The following FCN2 variants were observed in gnomAD, a reference collection of about 807,000 sequenced individuals.
FCN2 encodes ficolin-2.
Under a neutral mutation model 32.5 loss-of-function variants are expected in FCN2, and 31 were observed. The observed-to-expected ratio is 0.96, with a 90% CI of 0.72 to 1.29. The LOEUF is 1.29. Among genes scored for constraint, FCN2 ranks in the 50% most tolerant of loss-of-function variants. The probability of loss-of-function intolerance (pLI) is 0.00; values close to 1 mark genes in which losing one functional copy is unlikely to be tolerated. For synonymous variants in FCN2, 181 were observed against 164.5 expected, an observed-to-expected ratio of 1.10 and a Z score of -0.77; for missense variants, 412 against 406.5, an observed-to-expected ratio of 1.01 and a Z score of -0.12.
intron 5 of FCN2, 29 bp downstream of exon 5, chr9:134,885,395 A>C: frequency 4.4e-6 from 7 of 1,608,918 alleles, no homozygotes; most frequent in Non-Finnish European, 5.1e-6. Flanking sequence ...AGAGGCGGTC[A>C]GCCTGGGAGT....
At chr9:134,873,899 G>GGTTT in the FCN2 span, among the ~76,000 whole-genome samples, 1 of 45,498 alleles carries the variant, frequency 2.2e-5, no homozygotes, top group East Asian at 3.5e-3. Flanking sequence ...TTTGTTTTTT[G>GGTTT]TTTTTTTTTG....
the FCN2 span, among the ~76,000 whole-genome samples, chr9:134,872,997 C>T: frequency 2.6e-5 from 4 of 152,128 alleles, no homozygotes; most frequent in South Asian, 2.1e-4. Context: ...CGTCTCATCA[C>T]GTTTTGTTCC....
At chr9:134,879,462 G>A (rs1649939100), upstream of FCN2, among the ~76,000 whole-genome samples, 4 of 152,136 alleles carry the variant, frequency 2.6e-5, no homozygotes, top group Admixed American at 2.6e-4. Flanking sequence ...TGGCTGCTGG[G>A]GTTTCACTGG....
intron 5 of FCN2, 104 bp from the exon 6 acceptor site, chr9:134,885,664 G>A: frequency 1.3e-6 from 2 of 1,518,900 alleles, no homozygotes; most frequent in Non-Finnish European, 9.0e-7. Flanking sequence ...CCCCGCCTGT[G>A]ATGCTCTGCC....
intron 1 of FCN2, among the ~76,000 whole-genome samples, chr9:134,881,652 T>C (rs533688109): frequency 1.3e-5 from 2 of 152,240 alleles, no homozygotes; most frequent in African/African-American, 4.8e-5. Context: ...CTGGAATGCA[T>C]GTGAGACACA....
At chr9:134,875,410 G>A in the FCN2 span, among the ~76,000 whole-genome samples, 3 of 58,850 alleles carry the variant, frequency 5.1e-5, no homozygotes, top group Admixed American at 3.0e-4. Context: ...TCACAGCCAT[G>A]TCTGGTCCCC....
At chr9:134,866,499 TA>T in the FCN2 span, among the ~76,000 whole-genome samples, 1 of 149,862 alleles carries the variant, frequency 6.7e-6, no homozygotes, top group Non-Finnish European at 1.5e-5. Flanking sequence ...CAAGATGGAT[TA>T]AAGACTTAAA....
rs1313856983 is a variant in FCN2 at position 134,887,076 on chromosome 9, G to A, written c.695-92G>A. 4.8e-6 allele frequency: 7 copies of A among 1,450,540 alleles called. No homozygotes were observed. In the East Asian group the frequency reaches 1.4e-4, roughly 28 times the overall value. 89.9% of individuals were successfully genotyped at this position (1,450,540 alleles called of 1,614,324 possible). ...CACAACCTGCCTAACCATACATGGAGGACACACCAGGCCAGGCCTCAGGTA... is the reference window on the plus strand; with the variant it reads ...CACAACCTGCCTAACCATACATGGAAGACACACCAGGCCAGGCCTCAGGTA... On this transcript the variant is annotated intron_variant, in intron 7 of 7. Transcript: ENST00000291744.
upstream of FCN2, among the ~76,000 whole-genome samples, chr9:134,876,249 T>C (rs1031984932): frequency 1.3e-4 from 20 of 152,238 alleles, no homozygotes; most frequent in African/African-American, 4.8e-4. Flanking sequence ...CAATGATTTT[T>C]ATCTACTTTT....
At chr9:134,870,666 C>T in the FCN2 span, among the ~76,000 whole-genome samples, 14 of 152,146 alleles carry the variant, frequency 9.2e-5, no homozygotes, top group African/African-American at 2.2e-4. The surrounding 1 kb of genome is among the most constrained non-coding windows in gnomAD (Gnocchi z 4.3). Context: ...CACCACTGAC[C>T]GCACAGCCAC....
At chr9:134,872,743 T>C in the FCN2 span, among the ~76,000 whole-genome samples, 1 of 152,172 alleles carries the variant, frequency 6.6e-6, no homozygotes, top group African/African-American at 2.4e-5. Context: ...TTCAGTTACC[T>C]CCTACCGGGT....
At chr9:134,867,782 C>A in the FCN2 span, among the ~76,000 whole-genome samples, 3 of 152,100 alleles carry the variant, frequency 2.0e-5, no homozygotes, top group Non-Finnish European at 2.9e-5. Flanking sequence ...CCCCTTCCAG[C>A]CCCGTAATTC....
chr9:134,870,482 CG>C, the FCN2 span, among the ~76,000 whole-genome samples: 1 of 152,090 alleles, frequency 6.6e-6, no homozygotes, highest in Non-Finnish European at 1.5e-5. This position sits in a 1 kb window ranked among gnomAD's most constrained non-coding sequence, Gnocchi z 4.3. Context: ...CTGTGCCCCT[CG>C]GGGGGCCAAG....
At chr9:134,867,948 G>A in the FCN2 span, among the ~76,000 whole-genome samples, 5 of 152,198 alleles carry the variant, frequency 3.3e-5, no homozygotes, top group Admixed American at 3.3e-4. Flanking sequence ...GATTTAAAAT[G>A]CACATTCTCT....
At chr9:134,875,875 C>T (rs888133612), upstream of FCN2, among the ~76,000 whole-genome samples, 1 of 152,142 alleles carries the variant, frequency 6.6e-6, no homozygotes, top group Non-Finnish European at 1.5e-5. Flanking sequence ...TCCTGACCCA[C>T]AAAAACTATA....
Position 134,882,562 on chromosome 9 carries a change from T to TCAC in FCN2, c.140_142dup (p.Thr47dup), listed in dbSNP as rs781688036. 2 of 1,614,094 alleles carry TCAC rather than the reference T, an allele frequency of 1.2e-6. No individual in the cohort carries two copies. Among genetic ancestry groups the TCAC allele is most frequent in the Non-Finnish European group, 8.5e-7 (1 of 1,180,006 alleles). ...GTGGGCCTGGAGGGCTCTGACAAGC[T>TCAC]CACCATTCTCCGAGGCTGTCCGGGG... is the stretch of plus-strand genomic sequence containing the variant. On this transcript the variant is annotated inframe_insertion, in exon 2 of 8. Transcript: ENST00000291744.
At position 134,887,315 on chromosome 9, in the gene FCN2, G is replaced by C; in HGVS notation, c.842G>C (p.Arg281Thr). ...HVSNLNGRYL[R>T]GTHGSFANGI... ...TCAAACCTGAATGGTCGCTACCTCA[G>C]GGGGACTCATGGCAGCTTTGCAAAT... Residue 281 changes from arginine (R) to threonine (T), a missense_variant, in exon 8 of 8, where the codon AGG (arginine) becomes ACG (threonine). Coordinates refer to ENST00000291744, the MANE Select transcript of FCN2 (RefSeq NM_004108.3). The C allele has an allele frequency of 6.2e-7, 1 of 1,614,150 alleles. No homozygotes were observed. The highest frequency in any genetic ancestry group is 8.5e-7 in the Non-Finnish European group (1 of 1,180,020).
the FCN2 span, among the ~76,000 whole-genome samples, chr9:134,873,462 C>T: frequency 6.6e-6 from 1 of 152,130 alleles, no homozygotes; most frequent in Non-Finnish European, 1.5e-5. Context: ...GTCCTCATTG[C>T]CTCCTTTTCC....
At position 134,887,307 on chromosome 9, in the gene FCN2, C is replaced by A. The variant is rs772545063; in HGVS notation, c.834C>A (p.Arg278=). The stretch of plus-strand genomic sequence containing the variant: ...GCCATGTGTCAAACCTGAATGGTCG[C>A]TACCTCAGGGGGACTCATGGCAGCT... The part of the protein sequence containing the change: ...KNCHVSNLNG[R]YLRGTHGSFA... The change falls in exon 8 of 8, where the codon CGC becomes CGA. Residue 278 remains arginine, a synonymous_variant. Coordinates refer to ENST00000291744, the MANE Select transcript of FCN2 (RefSeq NM_004108.3). The A allele has an allele frequency of 1.9e-6, 3 of 1,614,204 alleles. No individual in the cohort carries two copies. In the African/African-American group the frequency reaches 4.0e-5, roughly 22 times the overall value.
Sources: gnomAD v4.1 joint callset for allele counts (sites outside exome capture counted in the v4.1 genomes callset) on GRCh38, gnomAD v4.1.1 for gene constraint, Gnocchi (gnomAD v3.1) non-coding constraint, MANE v1.5 for transcripts, NCBI Gene and HGNC (gene_info 2026-07-23, HGNC 2026-07-21) for gene names.